TMEM178B: variants seen among roughly 807,000 people sequenced by gnomAD.
The protein encoded by TMEM178B is transmembrane protein 178B.
TMEM178B carries 5 observed loss-of-function variants against 31.0 expected under a neutral mutation model. The observed-to-expected ratio is 0.16, with a 90% confidence interval of 0.08 to 0.34. The LOEUF is 0.34. Ranked by LOEUF, TMEM178B falls within the 10% of genes least tolerant of loss-of-function variation. The probability of loss-of-function intolerance (pLI) is 1.00; values close to 1 mark genes in which losing one functional copy is unlikely to be tolerated. For synonymous variants in TMEM178B, 164 were observed against 164.0 expected, an observed-to-expected ratio of 1.00 and a Z score of 0.00; for missense variants, 275 against 400.3, an observed-to-expected ratio of 0.69 and a Z score of 2.67.
At chr7:141,196,558 A>T (rs191834771) in intron 1 of TMEM178B, among the ~76,000 whole-genome samples, 39 of 152,266 alleles carry the variant, frequency 2.6e-4, no homozygotes, top group Admixed American at 6.5e-4. Flanking sequence ...AAAAATAGTT[A>T]ATTCCATCTT....
At chr7:141,385,431 C>T (rs937569712) in intron 2 of TMEM178B, among the ~76,000 whole-genome samples, 2 of 152,114 alleles carry the variant, frequency 1.3e-5, no homozygotes, top group Non-Finnish European at 2.9e-5. Flanking sequence ...TCCACACAAC[C>T]CAGATATTTG....
At chr7:141,152,154 AG>A (rs1389973618) in intron 1 of TMEM178B, among the ~76,000 whole-genome samples, 1 of 152,196 alleles carries the variant, frequency 6.6e-6, no homozygotes, top group Non-Finnish European at 1.5e-5. Context: ...CTCCCAAGCC[AG>A]GAGACCAAAG....
chr7:141,483,371 C>T (rs190890665), downstream of TMEM178B, among the ~76,000 whole-genome samples: 268 of 152,286 alleles, frequency 1.8e-3, 2 homozygotes, highest in Non-Finnish European at 3.3e-3. Context: ...CCTCTTTCCC[C>T]GGGAAGACCA....
intron 2 of TMEM178B, among the ~76,000 whole-genome samples, chr7:141,349,113 A>G (rs1451691296): frequency 6.6e-6 from 1 of 152,220 alleles, no homozygotes; most frequent in East Asian, 1.9e-4. Flanking sequence ...TGATATTGTT[A>G]TTGGTTCATA....
chr7:141,392,089 G>A (rs911633599), intron 2 of TMEM178B, among the ~76,000 whole-genome samples: 1 of 151,076 alleles, frequency 6.6e-6, no homozygotes, highest in African/African-American at 2.4e-5. Flanking sequence ...CTGCCATATT[G>A]TTTTATTATG....
At chr7:141,244,379 C>T (rs1308612072) in intron 2 of TMEM178B, among the ~76,000 whole-genome samples, 3 of 152,110 alleles carry the variant, frequency 2.0e-5, no homozygotes, top group Non-Finnish European at 4.4e-5. Context: ...TAAAATTGAG[C>T]CTTGAAGGTA....
At chr7:141,420,692 C>G (rs1240332999) in intron 2 of TMEM178B, among the ~76,000 whole-genome samples, 2 of 152,148 alleles carry the variant, frequency 1.3e-5, no homozygotes, top group African/African-American at 2.4e-5. Context: ...TCTGTTACCT[C>G]AGGCACAGTG....
At chr7:141,384,646 G>A (rs933690389) in intron 2 of TMEM178B, among the ~76,000 whole-genome samples, 1 of 152,212 alleles carries the variant, frequency 6.6e-6, no homozygotes. Context: ...AAGTCAGGTA[G>A]CGTGATGCCT....
intron 1 of TMEM178B, among the ~76,000 whole-genome samples, chr7:141,089,138 G>A (rs183133511): frequency 2.0e-5 from 3 of 152,322 alleles, no homozygotes; most frequent in South Asian, 2.1e-4. Flanking sequence ...AAATAAATAC[G>A]ACAAAATGTC....
intron 1 of TMEM178B, among the ~76,000 whole-genome samples, chr7:141,204,198 AAG>A (rs1197520986): frequency 3.3e-5 from 5 of 152,202 alleles, no homozygotes; most frequent in Admixed American, 6.5e-5. Flanking sequence ...TGAGACTGGA[AAG>A]AGGGGAAGCC....
chr7:141,409,264 A>C (rs1421584738), intron 2 of TMEM178B, among the ~76,000 whole-genome samples: 1 of 152,188 alleles, frequency 6.6e-6, no homozygotes, highest in Non-Finnish European at 1.5e-5. Context: ...GGCTGGCAAG[A>C]GGAGAGAAGA....
In TMEM178B at chr7:141,142,383, A is replaced by G. The variant is rs552583036; in HGVS notation, c.382+67691A>G. Among the ~76,000 whole-genome samples, 12 of 148,398 alleles carry G rather than the reference A, an allele frequency of 8.1e-5. No homozygotes were observed. In the South Asian group the frequency reaches 2.5e-3, roughly 31 times the overall value. ...ATAAGTACATGTGTATTTTGGTAGA[A>G]CAATTTATTTTCTTTTTTCTTTTCT... On this transcript the variant is annotated intron_variant, in intron 1 of 3. Transcript: ENST00000565468.
chr7:141,419,678 C>T (rs1030086385), intron 2 of TMEM178B, among the ~76,000 whole-genome samples: 6 of 152,170 alleles, frequency 3.9e-5, no homozygotes, highest in African/African-American at 1.4e-4. Flanking sequence ...CATATGGAGT[C>T]CCTGGTGAGT....
At chr7:141,195,168 G>A (rs531939597) in intron 1 of TMEM178B, among the ~76,000 whole-genome samples, 6 of 152,338 alleles carry the variant, frequency 3.9e-5, no homozygotes, top group Admixed American at 2.6e-4. Flanking sequence ...GCTCTTTGCT[G>A]TTTATGCACA....
chr7:141,088,558 C>G (rs780206338), intron 1 of TMEM178B, among the ~76,000 whole-genome samples: 1 of 152,192 alleles, frequency 6.6e-6, no homozygotes, highest in African/African-American at 2.4e-5. Context: ...ACTAGTTGCA[C>G]TGGGAATCTC....
At chr7:141,118,681 TA>T (rs1795363171) in intron 1 of TMEM178B, among the ~76,000 whole-genome samples, 1 of 152,160 alleles carries the variant, frequency 6.6e-6, no homozygotes, top group Admixed American at 6.5e-5. Context: ...GAGGCAACAC[TA>T]GGGTAGAAAA....
the TMEM178B span, among the ~76,000 whole-genome samples, chr7:141,506,975 A>C: frequency 6.6e-6 from 1 of 152,316 alleles, no homozygotes; most frequent in African/African-American, 2.4e-5. Context: ...TAAAGCTCCA[A>C]AATGATCTCC....
chr7:141,442,877 A>G (rs1801686992), intron 3 of TMEM178B, among the ~76,000 whole-genome samples: 3 of 152,254 alleles, frequency 2.0e-5, no homozygotes, highest in Admixed American at 2.0e-4. Flanking sequence ...TACATGGTTC[A>G]GAATCCCAGG....
intron 3 of TMEM178B, among the ~76,000 whole-genome samples, chr7:141,455,123 G>T (rs780264219): frequency 1.3e-5 from 2 of 152,170 alleles, no homozygotes; most frequent in African/African-American, 2.4e-5. Flanking sequence ...CATTGAAAGA[G>T]ATTTAGTGCT....
Sources: gnomAD v4.1 joint callset for allele counts (sites outside exome capture counted in the v4.1 genomes callset) on GRCh38, gnomAD v4.1.1 for gene constraint, MANE v1.5 for transcripts, NCBI Gene and HGNC (gene_info 2026-07-23, HGNC 2026-07-21) for gene names.